Variants in TENM2 observed in about 807,000 individuals in gnomAD.
The protein encoded by TENM2 is teneurin transmembrane protein 2, also known as teneurin-2.
A neutral mutation model predicts 245.2 loss-of-function variants in TENM2; 52 were observed. The observed-to-expected ratio is 0.21, with a 90% CI of 0.17 to 0.27. The LOEUF (loss-of-function observed/expected upper bound fraction) is 0.27, where lower values mean the gene tolerates loss of function less well. TENM2 is among the 10% of genes least tolerant of loss of function. The pLI, the probability that TENM2 is intolerant of heterozygous loss-of-function variation, is 1.00. For missense variants in TENM2, 3,046 were observed against 3,666.8 expected, an observed-to-expected ratio of 0.83 and a Z score of 4.37; for synonymous variants, 1,363 against 1,438.9, an observed-to-expected ratio of 0.95 and a Z score of 1.19.
chr5:168,028,848 G>T (rs1786855145), intron 5 of TENM2, among the ~76,000 whole-genome samples: 1 of 149,904 alleles, frequency 6.7e-6, no homozygotes, highest in African/African-American at 2.5e-5. Context: ...GAGCCAATTA[G>T]AGTCCTTAAC....
chr5:167,875,875 CT>C (rs11290475), intron 2 of TENM2, 110 bp from the exon 5 acceptor site: 264,456 of 571,932 alleles, frequency 0.46, 21,865 homozygotes, highest in Non-Finnish European at 0.49. Context: ...CAGTTCATTT[CT>C]TTTTTTTTTT....
intron 2 of TENM2, among the ~76,000 whole-genome samples, chr5:167,461,047 G>A (rs1766261901): frequency 6.6e-6 from 1 of 152,168 alleles, no homozygotes; most frequent in Non-Finnish European, 1.5e-5. Flanking sequence ...ATTTTTAGTA[G>A]TAAAACATGG....
At chr5:167,580,962 C>G (rs1775050788) in intron 2 of TENM2, among the ~76,000 whole-genome samples, 1 of 152,184 alleles carries the variant, frequency 6.6e-6, no homozygotes, top group Non-Finnish European at 1.5e-5. Context: ...GCACTCCAGC[C>G]TGGGAAACAG....
At chr5:167,084,881 T>G in the TENM2 span, among the ~76,000 whole-genome samples, 1 of 152,184 alleles carries the variant, frequency 6.6e-6, no homozygotes, top group Non-Finnish European at 1.5e-5. Context: ...AAAAAAATAC[T>G]ACGATACATA....
At chr5:167,009,637 G>T in the TENM2 span, among the ~76,000 whole-genome samples, 1 of 152,096 alleles carries the variant, frequency 6.6e-6, no homozygotes, top group Non-Finnish European at 1.5e-5. Flanking sequence ...TGGCCTTGGG[G>T]TTGTCAAACT....
intron 2 of TENM2, among the ~76,000 whole-genome samples, chr5:167,507,852 A>G (rs1769660180): frequency 6.6e-6 from 1 of 151,620 alleles, no homozygotes; most frequent in African/African-American, 2.4e-5. Flanking sequence ...TTCTTTTTTT[A>G]ATGAAATCCA....
At chr5:167,252,982 C>T in the TENM2 span, among the ~76,000 whole-genome samples, 4 of 152,130 alleles carry the variant, frequency 2.6e-5, no homozygotes, top group East Asian at 3.9e-4. Context: ...TTCTTTTGAC[C>T]GTGTGGGCAA....
At chr5:167,739,108 G>A (rs993821147) in intron 2 of TENM2, among the ~76,000 whole-genome samples, 2 of 152,166 alleles carry the variant, frequency 1.3e-5, no homozygotes, top group African/African-American at 4.8e-5. Context: ...CTTGCAATAG[G>A]AGCCCTCTCC....
chr5:167,840,910 C>G (rs1184451503), intron 2 of TENM2, among the ~76,000 whole-genome samples: 1 of 152,154 alleles, frequency 6.6e-6, no homozygotes, highest in Non-Finnish European at 1.5e-5. Flanking sequence ...GGTAATTGTG[C>G]CAGTGACTCT....
At chr5:167,396,728 C>G (rs1762075130) in intron 2 of TENM2, among the ~76,000 whole-genome samples, 1 of 152,152 alleles carries the variant, frequency 6.6e-6, no homozygotes, top group African/African-American at 2.4e-5. Context: ...AACAAGATTT[C>G]TACTGGAGCG....
intron 2 of TENM2, among the ~76,000 whole-genome samples, chr5:167,572,558 T>G (rs1205032840): frequency 6.6e-6 from 1 of 152,152 alleles, no homozygotes; most frequent in African/African-American, 2.4e-5. Context: ...CCATGAAAGG[T>G]AAGCAGTCAT....
intron 27 of TENM2, among the ~76,000 whole-genome samples, chr5:168,252,993 G>A (rs909290627): frequency 3.3e-5 from 5 of 152,124 alleles, no homozygotes; most frequent in Admixed American, 1.3e-4. Context: ...TTGAGACAGA[G>A]TCTTGCTCTG....
chr5:168,254,272 T>A (rs1336271048), intron 27 of TENM2, among the ~76,000 whole-genome samples: 1 of 152,252 alleles, frequency 6.6e-6, no homozygotes, highest in East Asian at 1.9e-4. Context: ...TTAGGGAGGC[T>A]GTTACCAGAT....
the TENM2 span, among the ~76,000 whole-genome samples, chr5:167,077,017 A>C: frequency 1.1e-4 from 17 of 152,164 alleles, no homozygotes; most frequent in East Asian, 2.5e-3. Flanking sequence ...GTAAAGACAG[A>C]GTTTCACTAT....
At chr5:167,315,230 C>G (rs186611736) in intron 1 of TENM2, among the ~76,000 whole-genome samples, 2 of 152,104 alleles carry the variant, frequency 1.3e-5, no homozygotes, top group East Asian at 3.9e-4. Context: ...AATTTAACTA[C>G]AGTTGTAATT....
rs191019278 is a variant in TENM2, at chr5:167,454,612, T to C, written c.502+79139T>C. ...GCATGTGTATGTGTGTGTGTCTGTA[T>C]TTCTGTCTTTCTCTCTCTCCTCGCC... On this transcript the variant is annotated intron_variant, in intron 2 of 28. Transcript: ENST00000518659. Among the ~76,000 whole-genome samples, 5 of 152,276 alleles carry C rather than the reference T, an allele frequency of 3.3e-5. No homozygotes were observed. In the East Asian group the frequency reaches 9.6e-4, roughly 29 times the overall value.
the TENM2 span, among the ~76,000 whole-genome samples, chr5:167,261,182 G>A: frequency 1.3e-5 from 2 of 152,232 alleles, no homozygotes; most frequent in East Asian, 3.9e-4. Context: ...ATCCCCAGGG[G>A]ATTTTGATGT....
intron 2 of TENM2, among the ~76,000 whole-genome samples, chr5:167,679,897 G>GTAA (rs894677522): frequency 1.1e-4 from 17 of 152,128 alleles, no homozygotes; most frequent in Admixed American, 1.1e-3. Context: ...CATCATGGTG[G>GTAA]TAATGCTTTT....
chr5:167,310,397 TG>T (rs1223598517), intron 1 of TENM2, among the ~76,000 whole-genome samples: 2 of 152,224 alleles, frequency 1.3e-5, no homozygotes, highest in African/African-American at 4.8e-5. Context: ...TACAAACATT[TG>T]TAGAAAGTCC....
Sources: allele counts gnomAD v4.1 joint callset (sites outside exome capture counted in the v4.1 genomes callset), GRCh38; gene constraint gnomAD v4.1.1; transcripts MANE v1.5; gene names NCBI Gene and HGNC (gene_info 2026-07-23, HGNC 2026-07-21).